The following MYO1D variants were observed in gnomAD, a reference collection of about 807,000 sequenced individuals.
MYO1D encodes unconventional myosin-Id.
In MYO1D, 83 loss-of-function variants were observed where a neutral mutation model predicts 122.0. The ratio of observed to expected loss-of-function variants is 0.68; its 90% CI spans 0.57 to 0.82. The LOEUF is 0.82. MYO1D is among the 40% of genes least tolerant of loss of function. The pLI, the probability that MYO1D is intolerant of heterozygous loss-of-function variation, is 0.00. For missense variants in MYO1D, 1,157 were observed against 1,269.5 expected, an observed-to-expected ratio of 0.91 and a Z score of 1.35; for synonymous variants, 464 against 446.9, an observed-to-expected ratio of 1.04 and a Z score of -0.48.
intron 1 of MYO1D, among the ~76,000 whole-genome samples, chr17:32,822,847 GTGA>G (rs997208575): frequency 2.0e-5 from 3 of 151,540 alleles, no homozygotes; most frequent in African/African-American, 7.2e-5. Flanking sequence ...GCCCGCGGGC[GTGA>G]GACTCAGCCG....
At position 32,659,140 on chromosome 17, in the gene MYO1D, C is replaced by T. The variant is rs1248910768; in HGVS notation, c.2320G>A (p.Glu774Lys). Residue 774 changes from glutamate (E) to lysine (K), a missense_variant, in exon 17 of 22, where the codon GAG becomes AAG. Transcript: ENST00000318217. ...SPPKVLRRFE[E>K]ALQTIFNRWR... ...CTATTGAAAATCGTCTGCAGGGCCT[C>T]CTCAAAACGGCGAAGAACTTTAGGA... 6.2e-7 allele frequency: 1 copy of T among 1,614,182 alleles called. No individual in the cohort carries two copies. The highest frequency in any genetic ancestry group is 1.7e-5 in the Admixed American group (1 of 60,024).
At chr17:32,775,771 C>A in intron 4 of MYO1D, 93 bp downstream of exon 4, 1 of 1,080,762 alleles carries the variant, frequency 9.3e-7, no homozygotes. Flanking sequence ...GGATTTAAAG[C>A]TATTTTGAGT....
intron 20 of MYO1D, among the ~76,000 whole-genome samples, chr17:32,634,914 T>C (rs188212842): frequency 6.6e-6 from 1 of 152,302 alleles, no homozygotes; most frequent in Non-Finnish European, 1.5e-5. Flanking sequence ...CAAATGTGGC[T>C]TGGGCCTAAG....
chr17:32,577,253 GAA>G (rs201927518), intron 21 of MYO1D, among the ~76,000 whole-genome samples: 5 of 125,470 alleles, frequency 4.0e-5, no homozygotes, highest in Non-Finnish European at 5.3e-5. Context: ...TCAGTCTCAG[GAA>G]AAAAAAAAAA....
At chr17:32,733,109 C>T (rs943869149) in intron 14 of MYO1D, among the ~76,000 whole-genome samples, 3 of 152,272 alleles carry the variant, frequency 2.0e-5, no homozygotes, top group African/African-American at 7.2e-5. Flanking sequence ...CCATTCTGTG[C>T]CTGGCTCACC....
intron 16 of MYO1D, among the ~76,000 whole-genome samples, chr17:32,663,387 G>C (rs1224287095): frequency 6.6e-6 from 1 of 152,188 alleles, no homozygotes; most frequent in East Asian, 1.9e-4. Flanking sequence ...ACATGGACTG[G>C]TGTCCATGGT....
intron 21 of MYO1D, among the ~76,000 whole-genome samples, chr17:32,599,069 C>G (rs545972386): frequency 2.6e-5 from 4 of 152,278 alleles, no homozygotes; most frequent in Admixed American, 2.0e-4. Flanking sequence ...AAGTTTGCCA[C>G]ATTCATTGAC....
chr17:32,523,700 C>G (rs1284591222), intron 21 of MYO1D, among the ~76,000 whole-genome samples: 1 of 149,448 alleles, frequency 6.7e-6, no homozygotes, highest in African/African-American at 2.5e-5. Context: ...ACTTAGGAGG[C>G]TGAGTCCCTG....
At chr17:32,587,541 A>G (rs11657864) in intron 21 of MYO1D, among the ~76,000 whole-genome samples, 44,618 of 151,746 alleles carry the variant, frequency 0.29, 6,871 homozygotes, top group South Asian at 0.38. Flanking sequence ...GTCACTTGCC[A>G]AATGGTGAAT....
chr17:32,678,326 C>T (rs1597998683), intron 16 of MYO1D, among the ~76,000 whole-genome samples: 1 of 151,524 alleles, frequency 6.6e-6, no homozygotes, highest in Non-Finnish European at 1.5e-5. Flanking sequence ...GTTACATATG[C>T]ATACATGTGC....
intron 16 of MYO1D, among the ~76,000 whole-genome samples, chr17:32,662,551 T>C (rs1477500615): frequency 6.6e-6 from 1 of 152,098 alleles, no homozygotes; most frequent in African/African-American, 2.4e-5. Flanking sequence ...TGCGCGTCTG[T>C]AATTCCAGCT....
intron 16 of MYO1D, among the ~76,000 whole-genome samples, chr17:32,700,484 A>C (rs1395285222): frequency 6.6e-6 from 1 of 152,248 alleles, no homozygotes; most frequent in East Asian, 1.9e-4. Context: ...ATACAGCAGA[A>C]GCAGATCCAC....
intron 1 of MYO1D, chr17:32,830,478 A>G (rs1378214058): frequency 6.6e-6 from 1 of 152,246 alleles, no homozygotes; most frequent in Non-Finnish European, 1.5e-5. Context: ...AGGCTGTGAA[A>G]TACAGCAGAA....
intron 16 of MYO1D, among the ~76,000 whole-genome samples, chr17:32,699,359 T>A (rs1046231496): frequency 3.9e-5 from 6 of 152,212 alleles, no homozygotes; most frequent in Admixed American, 2.0e-4. Context: ...CTGAAATATA[T>A]GGGAACAAAA....
At chr17:32,708,121 G>A (rs2150984499) in intron 16 of MYO1D, among the ~76,000 whole-genome samples, 1 of 152,314 alleles carries the variant, frequency 6.6e-6, no homozygotes, top group East Asian at 1.9e-4. Flanking sequence ...TAGTCTTGAG[G>A]ACTCTCGACA....
intron 20 of MYO1D, among the ~76,000 whole-genome samples, chr17:32,616,738 T>G (rs2087774266): frequency 6.6e-6 from 1 of 152,214 alleles, no homozygotes; most frequent in African/African-American, 2.4e-5. Flanking sequence ...GATAGAGGTC[T>G]ATATCCTCAC....
chr17:32,739,944 C>G (rs1482856614), intron 13 of MYO1D, among the ~76,000 whole-genome samples: 1 of 152,330 alleles, frequency 6.6e-6, no homozygotes, highest in South Asian at 2.1e-4. Flanking sequence ...GCAGTGCCAA[C>G]TACTGTCAAA....
intron 21 of MYO1D, among the ~76,000 whole-genome samples, chr17:32,529,220 A>G (rs1910438410): frequency 3.3e-5 from 5 of 152,176 alleles, no homozygotes; most frequent in Non-Finnish European, 1.5e-5. Context: ...GTACTTCAAC[A>G]GGGAGCTGTG....
At chr17:32,823,707 T>C (rs956866527) in intron 1 of MYO1D, among the ~76,000 whole-genome samples, 5 of 152,064 alleles carry the variant, frequency 3.3e-5, no homozygotes, top group Admixed American at 2.0e-4. Context: ...ATTTTAGATG[T>C]TCAAATTATC....
Sources: allele counts gnomAD v4.1 joint callset (sites outside exome capture counted in the v4.1 genomes callset), GRCh38; gene constraint gnomAD v4.1.1; transcripts MANE v1.5; gene names NCBI Gene and HGNC (gene_info 2026-07-23, HGNC 2026-07-21).